TRMT11: variants seen among roughly 807,000 people sequenced by gnomAD.
TRMT11 encodes tRNA methyltransferase 11.
Under a neutral mutation model 62.8 loss-of-function variants are expected in TRMT11, and 53 were observed. The ratio of observed to expected loss-of-function variants is 0.84; its 90% CI spans 0.68 to 1.06. The LOEUF (loss-of-function observed/expected upper bound fraction) is 1.06, where lower values mean the gene tolerates loss of function less well. Ranked by LOEUF, TRMT11 falls within the 50% of genes least tolerant of loss-of-function variation. The pLI is 0.00. For synonymous variants in TRMT11, 188 were observed against 190.3 expected, an observed-to-expected ratio of 0.99 and a Z score of 0.10; for missense variants, 556 against 553.4, an observed-to-expected ratio of 1.00 and a Z score of -0.05.
At chr6:126,125,074 G>A (rs1419093204) in intron 21 of TRMT11, among the ~76,000 whole-genome samples, 2 of 152,048 alleles carry the variant, frequency 1.3e-5, no homozygotes, top group Admixed American at 1.3e-4. Context: ...CAATTCCTGA[G>A]CTTTTCCAGG....
At chr6:126,191,762 C>T (rs1407631871) in intron 1 of TRMT11, among the ~76,000 whole-genome samples, 9 of 151,954 alleles carry the variant, frequency 5.9e-5, no homozygotes, top group South Asian at 2.1e-4. Flanking sequence ...TATAAGTGTA[C>T]GATGTATCTC....
chr6:126,258,055 C>T, the TRMT11 span: 3 of 1,243,956 alleles, frequency 2.4e-6, no homozygotes, highest in Non-Finnish European at 3.5e-6. Flanking sequence ...TCCTCACTCT[C>T]CATGTCCAGG....
At chr6:126,059,035 C>T (rs1776450769) in intron 17 of TRMT11, among the ~76,000 whole-genome samples, 1 of 149,882 alleles carries the variant, frequency 6.7e-6, no homozygotes. Context: ...TCTTCTCTCT[C>T]TCTACTTATC....
chr6:126,124,608 T>A lies in TRMT11; in HGVS notation c.*1823+8753T>A, dbSNP rs374229875. On this transcript the variant is annotated intron_variant and NMD_transcript_variant, in intron 21 of 22. Transcript: ENST00000648977. ...AGGCTTCAAAAAGTGTGCATTTTTG[T>A]CTGTTCTCTCAGGCCTGTCACTGGC... Among the ~76,000 whole-genome samples, 74 of 152,196 alleles carry A rather than the reference T, an allele frequency of 4.9e-4. 1 individual carries two copies. In the South Asian group the frequency reaches 0.011, roughly 23 times the overall value.
chr6:126,149,395 T>A (rs1165697298), intron 21 of TRMT11, among the ~76,000 whole-genome samples: 1 of 152,210 alleles, frequency 6.6e-6, no homozygotes, highest in African/African-American at 2.4e-5. Context: ...ATTGGGGTCA[T>A]CTTATGGGGC....
At chr6:126,157,634 A>T (rs1778136493) in intron 21 of TRMT11, among the ~76,000 whole-genome samples, 2 of 152,244 alleles carry the variant, frequency 1.3e-5, no homozygotes, top group Non-Finnish European at 2.9e-5. Flanking sequence ...CATTGGCTTA[A>T]TATCACAAAA....
intron 7 of TRMT11, among the ~76,000 whole-genome samples, chr6:126,003,380 T>C (rs143702489): frequency 1.8e-4 from 27 of 152,216 alleles, no homozygotes; most frequent in African/African-American, 5.8e-4. Flanking sequence ...ATTGGACCCC[T>C]CTGTCCTAGG....
intron 21 of TRMT11, among the ~76,000 whole-genome samples, chr6:126,143,516 T>C (rs1280168974): frequency 2.0e-5 from 3 of 152,162 alleles, no homozygotes; most frequent in Admixed American, 1.3e-4. Context: ...TTTTCTTTTA[T>C]TTTTGGATAA....
At chr6:126,221,487 A>G in the TRMT11 span, among the ~76,000 whole-genome samples, 3 of 152,026 alleles carry the variant, frequency 2.0e-5, no homozygotes, top group Non-Finnish European at 4.4e-5. Context: ...TGAGATTTTG[A>G]TTTGTATGGA....
intron 1 of TRMT11, among the ~76,000 whole-genome samples, chr6:126,178,809 C>T (rs1375771850): frequency 6.6e-6 from 1 of 151,974 alleles, no homozygotes; most frequent in African/African-American, 2.4e-5. Flanking sequence ...GTCAGGGAAG[C>T]GGTTGGGAGT....
chr6:126,268,343 G>C, the TRMT11 span, among the ~76,000 whole-genome samples: 1 of 152,142 alleles, frequency 6.6e-6, no homozygotes, highest in Non-Finnish European at 1.5e-5. Context: ...GAGACACCTG[G>C]ATAGTGTTAC....
At chr6:126,175,774 G>T (rs1027272823), upstream of TRMT11, among the ~76,000 whole-genome samples, 5 of 152,096 alleles carry the variant, frequency 3.3e-5, no homozygotes, top group Non-Finnish European at 7.4e-5. Context: ...ATCCTTGTTG[G>T]ATATTTTATT....
rs562532002 is a variant in TRMT11 at position 126,053,082 on chromosome 6, A to G, written c.*1370-41A>G. On this transcript the variant is annotated intron_variant and NMD_transcript_variant, in intron 16 of 22. Transcript: ENST00000648977. Reference sequence around the variant, plus strand: ...CTAAGGCTAGACCTTGAAGTGTACCAAGTTCATCTCTGTGTCCTTTTTTTT... The same window carrying G: ...CTAAGGCTAGACCTTGAAGTGTACCGAGTTCATCTCTGTGTCCTTTTTTTT... 3.9e-5 allele frequency among the ~76,000 whole-genome samples: 6 copies of G among 152,190 alleles called. No homozygotes were observed. In the South Asian group the frequency reaches 1.2e-3, roughly 32 times the overall value.
chr6:126,247,592 A>G, the TRMT11 span, among the ~76,000 whole-genome samples: 22 of 148,078 alleles, frequency 1.5e-4, no homozygotes, highest in African/African-American at 4.4e-4. Flanking sequence ...GTCATTATAA[A>G]AAAGAAGCAA....
chr6:126,083,252 T>G (rs955347398), intron 17 of TRMT11, among the ~76,000 whole-genome samples: 1 of 152,148 alleles, frequency 6.6e-6, no homozygotes, highest in Non-Finnish European at 1.5e-5. Flanking sequence ...GTGCCATCAT[T>G]GAGTTTACCA....
chr6:126,008,795 G>T (rs1793747681), intron 8 of TRMT11: 2 of 485,382 alleles, frequency 4.1e-6, no homozygotes, highest in Non-Finnish European at 8.0e-6. Flanking sequence ...GGAGTCAAAA[G>T]TTATATGCAT....
At chr6:126,197,197 G>T (rs985714625) in intron 1 of TRMT11, among the ~76,000 whole-genome samples, 36 of 152,182 alleles carry the variant, frequency 2.4e-4, no homozygotes, top group African/African-American at 8.7e-4. Flanking sequence ...TACTTCTTCT[G>T]CTTTATCTGG....
intron 8 of TRMT11, among the ~76,000 whole-genome samples, 184 bp from the exon 9 acceptor site, chr6:126,011,069 C>T (rs1257934260): frequency 2.0e-5 from 3 of 152,144 alleles, no homozygotes; most frequent in Non-Finnish European, 2.9e-5. Flanking sequence ...GACATCAGTA[C>T]ATTTTACTGT....
intron 1 of TRMT11, among the ~76,000 whole-genome samples, chr6:126,181,467 C>T (rs1778466108): frequency 6.6e-6 from 1 of 152,172 alleles, no homozygotes; most frequent in Non-Finnish European, 1.5e-5. Context: ...AGAGAAGTTT[C>T]TGTTCAATTT....
Sources: allele counts gnomAD v4.1 joint callset (sites outside exome capture counted in the v4.1 genomes callset), GRCh38; gene constraint gnomAD v4.1.1; transcripts MANE v1.5; gene names NCBI Gene and HGNC (gene_info 2026-07-23, HGNC 2026-07-21).